The following FCHSD2 variants were observed in gnomAD, a reference collection of about 807,000 sequenced individuals.
The protein encoded by FCHSD2 is F-BAR and double SH3 domains protein 2.
In FCHSD2, 38 loss-of-function variants were observed where a neutral mutation model predicts 108.1. The ratio of observed to expected loss-of-function variants is 0.35; its 90% CI spans 0.27 to 0.46. FCHSD2 has a LOEUF of 0.46. Ranked by LOEUF, FCHSD2 falls within the 20% of genes least tolerant of loss-of-function variation. The pLI is 1.00. For synonymous variants in FCHSD2, 279 were observed against 314.7 expected, an observed-to-expected ratio of 0.89 and a Z score of 1.20; for missense variants, 751 against 897.8, an observed-to-expected ratio of 0.84 and a Z score of 2.09.
At chr11:72,961,704 AATG>A (rs1291387285) in intron 8 of FCHSD2, among the ~76,000 whole-genome samples, 1 of 152,238 alleles carries the variant, frequency 6.6e-6, no homozygotes, top group African/African-American at 2.4e-5. Context: ...AGCAAAATGC[AATG>A]ATCTCTAAAG....
intron 8 of FCHSD2, among the ~76,000 whole-genome samples, chr11:72,963,857 T>C (rs917401901): frequency 1.3e-5 from 2 of 152,040 alleles, no homozygotes; most frequent in East Asian, 1.9e-4. Flanking sequence ...TCACAGGCCA[T>C]GGACTGCTGA....
At chr11:72,889,307 A>G (rs1855265427) in intron 11 of FCHSD2, among the ~76,000 whole-genome samples, 1 of 152,160 alleles carries the variant, frequency 6.6e-6, no homozygotes, top group South Asian at 2.1e-4. Flanking sequence ...GAAAACTTAT[A>G]TTAATTCAAC....
intron 2 of FCHSD2, among the ~76,000 whole-genome samples, chr11:73,118,414 C>T (rs1860654616): frequency 6.6e-6 from 1 of 152,180 alleles, no homozygotes; most frequent in Admixed American, 6.5e-5. Context: ...CCCTTAAACA[C>T]CAGAGGAAAC....
At chr11:72,842,933 C>A in intron 16 of FCHSD2, 92 bp from the exon 17 acceptor site, 1 of 1,016,560 alleles carries the variant, frequency 9.8e-7, no homozygotes. Context: ...ACTAAAAGAG[C>A]ATCATACAGA....
intron 13 of FCHSD2, among the ~76,000 whole-genome samples, chr11:72,850,865 G>T (rs988895431): frequency 2.0e-5 from 3 of 151,680 alleles, no homozygotes; most frequent in Non-Finnish European, 4.4e-5. Context: ...CAAGGTAGGT[G>T]GATCACTTGA....
chr11:72,949,459 G>GA (rs1298611915), intron 8 of FCHSD2, among the ~76,000 whole-genome samples: 1 of 150,698 alleles, frequency 6.6e-6, no homozygotes, highest in East Asian at 2.0e-4. Context: ...CTCAAAGAAA[G>GA]AAAGAAAAGA....
chr11:73,060,890 A>G (rs1257794615), intron 3 of FCHSD2, among the ~76,000 whole-genome samples: 3 of 152,190 alleles, frequency 2.0e-5, no homozygotes, highest in East Asian at 3.8e-4. Context: ...GCTTGAAACC[A>G]GGCACTATAG....
chr11:73,028,110 C>T (rs1858271949), intron 3 of FCHSD2, among the ~76,000 whole-genome samples: 1 of 152,188 alleles, frequency 6.6e-6, no homozygotes, highest in Non-Finnish European at 1.5e-5. Context: ...CACAGGGGCA[C>T]TGCCTACTGG....
chr11:73,129,629 T>A (rs72984920), intron 2 of FCHSD2, among the ~76,000 whole-genome samples: 3,096 of 152,316 alleles, frequency 0.02, 36 homozygotes, highest in South Asian at 0.056. Flanking sequence ...TACAGTATAC[T>A]GGGTTGCATA....
intron 12 of FCHSD2, among the ~76,000 whole-genome samples, chr11:72,886,177 G>C (rs1485315457): frequency 6.6e-6 from 1 of 152,170 alleles, no homozygotes; most frequent in Non-Finnish European, 1.5e-5. Flanking sequence ...TGCTTGCCCA[G>C]AATCTTCTTA....
At chr11:73,057,902 C>CA (rs1859065968) in intron 3 of FCHSD2, among the ~76,000 whole-genome samples, 2 of 145,538 alleles carry the variant, frequency 1.4e-5, no homozygotes, top group African/African-American at 5.1e-5. Flanking sequence ...TTTTTTGAGA[C>CA]AGAGTCTCGC....
intron 8 of FCHSD2, among the ~76,000 whole-genome samples, chr11:72,979,719 G>T (rs947385724): frequency 1.2e-4 from 18 of 152,116 alleles, no homozygotes; most frequent in African/African-American, 4.1e-4. Context: ...TCGCAAGAAG[G>T]TACTGGAGGA....
chr11:72,883,702 C>T (rs184437641), intron 12 of FCHSD2, among the ~76,000 whole-genome samples: 14 of 152,206 alleles, frequency 9.2e-5, no homozygotes, highest in African/African-American at 3.4e-4. Flanking sequence ...GCGGCCAAGG[C>T]AGGCAGATTG....
chr11:72,977,186 C>T (rs113426864), intron 8 of FCHSD2, among the ~76,000 whole-genome samples: 193 of 152,098 alleles, frequency 1.3e-3, no homozygotes, highest in Non-Finnish European at 2.0e-3. Flanking sequence ...CCTCCCAAAG[C>T]GCTGGGATTA....
At chr11:73,057,145 C>T (rs1445957155) in intron 3 of FCHSD2, among the ~76,000 whole-genome samples, 1 of 152,010 alleles carries the variant, frequency 6.6e-6, no homozygotes, top group Non-Finnish European at 1.5e-5. Context: ...TGATTTGCAT[C>T]GTGAAGTACA....
At chr11:72,902,482 T>C in intron 10 of FCHSD2, 61 bp downstream of exon 10, 1 of 1,134,178 alleles carries the variant, frequency 8.8e-7, no homozygotes, top group South Asian at 1.4e-5. Context: ...CAAGGGTAAC[T>C]GTTACTTAAG....
intron 8 of FCHSD2, among the ~76,000 whole-genome samples, chr11:72,929,474 G>A (rs1856146413): frequency 6.6e-6 from 1 of 152,200 alleles, no homozygotes; most frequent in South Asian, 2.1e-4. Flanking sequence ...TATTGCTAGT[G>A]TGCATAGAGT....
chr11:72,930,408 A>C (rs1856165233), intron 8 of FCHSD2, among the ~76,000 whole-genome samples: 1 of 152,188 alleles, frequency 6.6e-6, no homozygotes, highest in African/African-American at 2.4e-5. Context: ...TTGTTTTCCA[A>C]ATAAAACATT....
intron 10 of FCHSD2, among the ~76,000 whole-genome samples, chr11:72,899,582 T>C (rs1240880057): frequency 2.0e-5 from 3 of 151,068 alleles, no homozygotes; most frequent in South Asian, 2.1e-4. Context: ...AAAATAAAAA[T>C]AAAATAAAAC....
Sources: allele counts gnomAD v4.1 joint callset (sites outside exome capture counted in the v4.1 genomes callset), GRCh38; gene constraint gnomAD v4.1.1; transcripts MANE v1.5; gene names NCBI Gene and HGNC (gene_info 2026-07-23, HGNC 2026-07-21).